SLIT3: variants seen among roughly 807,000 people sequenced by gnomAD.
The protein encoded by SLIT3 is slit guidance ligand 3.
A neutral mutation model predicts 184.0 loss-of-function variants in SLIT3; 68 were observed. The observed-to-expected ratio is 0.37, with a 90% CI of 0.30 to 0.45. The LOEUF (loss-of-function observed/expected upper bound fraction) is 0.45, where lower values mean the gene tolerates loss of function less well. SLIT3 is among the 20% of genes least tolerant of loss of function. The pLI is 1.00. For missense variants in SLIT3, 1,707 were observed against 2,026.0 expected (o/e 0.84, Z 3.02); for synonymous variants, 831 against 828.6 (o/e 1.00, Z -0.05).
intron 4 of SLIT3, among the ~76,000 whole-genome samples, chr5:168,888,235 G>C (rs1158021904): frequency 6.6e-6 from 1 of 152,226 alleles, no homozygotes; most frequent in East Asian, 1.9e-4. Context: ...TCCTGTCTCT[G>C]AGCAAGGGAG....
At chr5:169,116,495 AT>A (rs1256520205) in intron 4 of SLIT3, among the ~76,000 whole-genome samples, 1 of 152,190 alleles carries the variant, frequency 6.6e-6, no homozygotes, top group Non-Finnish European at 1.5e-5. Context: ...TTCAGGATGA[AT>A]TTGAGGACAG....
chr5:168,707,932 G>A, intron 26 of SLIT3, 44 bp downstream of exon 26: 1 of 1,612,198 alleles, frequency 6.2e-7, no homozygotes, highest in Non-Finnish European at 8.5e-7. Context: ...GGCTGAAGGA[G>A]GAGCCTGAGG....
At chr5:169,253,000 C>G (rs1431074927) in intron 1 of SLIT3, among the ~76,000 whole-genome samples, 1 of 151,838 alleles carries the variant, frequency 6.6e-6, no homozygotes, top group East Asian at 1.9e-4. Flanking sequence ...CCTAAAACAG[C>G]ATCAAAGTTG....
At chr5:168,879,000 C>T (rs1759847998) in intron 5 of SLIT3, among the ~76,000 whole-genome samples, 1 of 152,216 alleles carries the variant, frequency 6.6e-6, no homozygotes, top group Admixed American at 6.5e-5. Flanking sequence ...CAGGCATGAG[C>T]CACCACACCT....
At chr5:168,721,295 C>T (rs1000202389) in intron 23 of SLIT3, among the ~76,000 whole-genome samples, 4 of 151,912 alleles carry the variant, frequency 2.6e-5, no homozygotes, top group Non-Finnish European at 5.9e-5. Context: ...TTAATCAGGC[C>T]CAGGATTGGG....
At chr5:168,843,897 C>A (rs1263724400) in intron 6 of SLIT3, among the ~76,000 whole-genome samples, 2 of 152,184 alleles carry the variant, frequency 1.3e-5, no homozygotes, top group Non-Finnish European at 2.9e-5. Flanking sequence ...AGAAAGGCAG[C>A]TACACATTCT....
intron 2 of SLIT3, among the ~76,000 whole-genome samples, chr5:169,249,861 T>A (rs1362772725): frequency 6.6e-6 from 1 of 152,004 alleles, no homozygotes; most frequent in African/African-American, 2.4e-5. Context: ...GAGAGGAGAG[T>A]GTTTGAGACC....
At chr5:169,045,944 T>C (rs1757608553) in intron 4 of SLIT3, among the ~76,000 whole-genome samples, 1 of 152,186 alleles carries the variant, frequency 6.6e-6, no homozygotes, top group South Asian at 2.1e-4. Context: ...GCTATATCTC[T>C]AGGGATACAA....
chr5:168,814,944 G>T (rs59135996), intron 8 of SLIT3, among the ~76,000 whole-genome samples: 1,873 of 152,240 alleles, frequency 0.012, 41 homozygotes, highest in African/African-American at 0.043. Flanking sequence ...ATTCTAGGTG[G>T]TAACCCATGG....
At chr5:169,195,510 C>T (rs1031934803) in intron 3 of SLIT3, among the ~76,000 whole-genome samples, 27 of 152,276 alleles carry the variant, frequency 1.8e-4, no homozygotes, top group African/African-American at 6.5e-4. Context: ...AATTCCCTGG[C>T]CACCACTGGG....
At chr5:168,776,835 A>G (rs1755767194) in intron 12 of SLIT3, among the ~76,000 whole-genome samples, 1 of 151,860 alleles carries the variant, frequency 6.6e-6, no homozygotes, top group African/African-American at 2.4e-5. Flanking sequence ...CAGTGTTTTG[A>G]TTTTTTTTAA....
intron 4 of SLIT3, among the ~76,000 whole-genome samples, chr5:168,972,707 C>G (rs1754621559): frequency 6.6e-6 from 1 of 152,170 alleles, no homozygotes; most frequent in South Asian, 2.1e-4. Flanking sequence ...TCCTTTCCTT[C>G]CTTCCTCTTG....
At chr5:169,276,883 T>TG (rs1405107061) in intron 1 of SLIT3, among the ~76,000 whole-genome samples, 1 of 152,256 alleles carries the variant, frequency 6.6e-6, no homozygotes, top group East Asian at 1.9e-4. Context: ...TCTCTTGTGA[T>TG]GAGATTTTTT....
chr5:168,871,550 C>G (rs571014847), intron 5 of SLIT3, among the ~76,000 whole-genome samples: 1 of 152,228 alleles, frequency 6.6e-6, no homozygotes, highest in East Asian at 1.9e-4. Flanking sequence ...CGGAAGAGGT[C>G]AGCCCCACTC....
chr5:169,154,141 T>G (rs895719443), intron 4 of SLIT3, among the ~76,000 whole-genome samples: 8 of 151,836 alleles, frequency 5.3e-5, no homozygotes, highest in Non-Finnish European at 1.0e-4. Flanking sequence ...CCTGGCTAAT[T>G]TTTTGTATTT....
At chr5:169,185,238 C>T (rs1199397261) in intron 4 of SLIT3, among the ~76,000 whole-genome samples, 3 of 152,156 alleles carry the variant, frequency 2.0e-5, no homozygotes, top group Non-Finnish European at 2.9e-5. Flanking sequence ...CAGTGTTCAG[C>T]GTTTGGGGGA....
Position 168,753,975 on chromosome 5 carries a change from C to A in SLIT3, c.1718G>T (p.Arg573Leu). 1 of 1,606,092 alleles carries A rather than the reference C, an allele frequency of 6.2e-7. No individual in the cohort carries two copies. The change falls in exon 17 of 36, where the codon CGA becomes CTA. Residue 573 changes from arginine (R) to leucine (L), a missense_variant. Transcript: ENST00000519560. ...NLSNNKIKEV[R>L]EGAFDGAASV... ...GGCTGCTCCATCGAAAGCTCCCTCT[C>A]GCACCTCCTTGATCTTATTGTTACT...
chr5:168,671,397 G>GCA lies in SLIT3; in HGVS notation c.3926_3927dup (p.Arg1310CysfsTer145), dbSNP rs1761237834. On this transcript the variant is annotated frameshift_variant, in exon 34 of 36. Transcript: ENST00000519560. LOFTEE classifies it high-confidence loss of function. ...AAGTCCTGCAGCTCGTTGTTGATGCGCACCTCATGGATGCATCCGTGGAAG... is the reference window on the plus strand; with the variant it reads ...AAGTCCTGCAGCTCGTTGTTGATGCGCACACCTCATGGATGCATCCGTGGAAG... The GCA allele has an allele frequency of 6.2e-7, 1 of 1,613,946 alleles. No homozygotes were observed. Among genetic ancestry groups the GCA allele is most frequent in the Non-Finnish European group, 8.5e-7 (1 of 1,180,010 alleles).
intron 4 of SLIT3, among the ~76,000 whole-genome samples, chr5:168,994,623 CTTTTTTTTTTTTTTTTTTTTTT>C (rs66498923): frequency 0.091 from 4,285 of 47,050 alleles, 142 homozygotes; most frequent in Middle Eastern, 0.13. Flanking sequence ...TGGCATTCTA[CTTTTTTTTTTTTTTTTTTTTTT>C]TTTTTTTTTT....
Sources: gnomAD v4.1 joint callset for allele counts (sites outside exome capture counted in the v4.1 genomes callset) on GRCh38, gnomAD v4.1.1 for gene constraint, MANE v1.5 for transcripts, NCBI Gene and HGNC (gene_info 2026-07-23, HGNC 2026-07-21) for gene names.